ANKRD30B: variants seen among roughly 807,000 people sequenced by gnomAD.
ANKRD30B encodes ankyrin repeat domain-containing protein 30B.
A neutral mutation model predicts 202.2 loss-of-function variants in ANKRD30B; 144 were observed. The observed-to-expected ratio is 0.71, with a 90% CI of 0.62 to 0.82. The LOEUF is 0.82. Ranked by LOEUF, ANKRD30B falls within the 40% of genes least tolerant of loss-of-function variation. The probability of loss-of-function intolerance (pLI) is 0.00; values close to 1 mark genes in which losing one functional copy is unlikely to be tolerated. For synonymous variants in ANKRD30B, 508 were observed against 561.3 expected (o/e 0.91, Z 1.34); for missense variants, 1,487 against 1,669.1 (o/e 0.89, Z 1.90).
chr18:14,796,900 A>T (rs1968939270), intron 18 of ANKRD30B, among the ~76,000 whole-genome samples: 1 of 152,194 alleles, frequency 6.6e-6, no homozygotes, highest in Non-Finnish European at 1.5e-5. Flanking sequence ...TGTAACTAAC[A>T]TCTGTATGCA....
At chr18:14,864,092 C>T in the ANKRD30B span, among the ~76,000 whole-genome samples, 1 of 152,280 alleles carries the variant, frequency 6.6e-6, no homozygotes, top group East Asian at 1.9e-4. Context: ...CCTGTAATCC[C>T]AGCACTTTGG....
chr18:14,757,880 ATGT>A lies in ANKRD30B; in HGVS notation c.686_688del (p.Val229del). 1 of 1,613,572 alleles carries A rather than the reference ATGT, an allele frequency of 6.2e-7. No individual in the cohort carries two copies. ...ATAGTCGGCATGCTTCTTCAGCAAAATGTTGACGTCTTTGCTGAAGACATACAT... is the reference window on the plus strand; with the variant it reads ...ATAGTCGGCATGCTTCTTCAGCAAAATGACGTCTTTGCTGAAGACATACAT... On this transcript the variant is annotated inframe_deletion, in exon 5 of 44. Transcript: ENST00000690538.
intron 39 of ANKRD30B, among the ~76,000 whole-genome samples, chr18:14,843,553 C>CTGTGTGTGTGTG (rs56044501): frequency 0.02 from 2,932 of 145,304 alleles, 46 homozygotes; most frequent in South Asian, 0.031. Flanking sequence ...AGCTTACTTT[C>CTGTGTGTGTGTG]TGTGTGTGTG....
At chr18:14,893,617 A>C in the ANKRD30B span, among the ~76,000 whole-genome samples, 3 of 152,218 alleles carry the variant, frequency 2.0e-5, no homozygotes, top group East Asian at 1.9e-4. Context: ...ATCTCACAAA[A>C]AAAAAAAAAA....
intron 39 of ANKRD30B, among the ~76,000 whole-genome samples, chr18:14,846,372 A>T (rs1971639578): frequency 6.6e-6 from 1 of 151,854 alleles, no homozygotes; most frequent in Non-Finnish European, 1.5e-5. Flanking sequence ...GTCAGGTAAC[A>T]TGTTTTGTAT....
At chr18:14,875,234 A>T in the ANKRD30B span, among the ~76,000 whole-genome samples, 77 of 152,318 alleles carry the variant, frequency 5.1e-4, no homozygotes, top group East Asian at 0.014. Flanking sequence ...CCTCTGGAGC[A>T]AGGAAACCCC....
At chr18:14,843,614 G>A (rs1332165741) in intron 39 of ANKRD30B, among the ~76,000 whole-genome samples, 2 of 151,442 alleles carry the variant, frequency 1.3e-5, no homozygotes, top group Non-Finnish European at 2.9e-5. Context: ...TTGTGCCTGT[G>A]TGCATGTATA....
At chr18:14,928,542 C>T in the ANKRD30B span, among the ~76,000 whole-genome samples, 30 of 152,250 alleles carry the variant, frequency 2.0e-4, no homozygotes, top group African/African-American at 6.7e-4. Flanking sequence ...CTTCCCCTGC[C>T]CTCAGGCCAG....
chr18:14,786,149 C>T lies in ANKRD30B; in HGVS notation c.1673-890C>T, dbSNP rs149679291. On this transcript the variant is annotated intron_variant, in intron 14 of 43. Transcript: ENST00000690538. ...CGGTCTTTTAACTTTTAGTTGTGCA[C>T]GTTTGCTTTTTTCTTTAACCTGACT... 6.5e-3 allele frequency among the ~76,000 whole-genome samples: 981 copies of T among 150,446 alleles called. 13 individuals carry two copies. The highest frequency in any genetic ancestry group is 0.023 in the African/African-American group (927 of 40,878).
At chr18:14,756,022 A>G (rs1914299328) in intron 4 of ANKRD30B, among the ~76,000 whole-genome samples, 1 of 152,208 alleles carries the variant, frequency 6.6e-6, no homozygotes, top group African/African-American at 2.4e-5. Flanking sequence ...TCCCACCAAC[A>G]GTGTAAAAGT....
intron 14 of ANKRD30B, 131 bp downstream of exon 14, chr18:14,784,666 G>GCAT: frequency 9.9e-7 from 1 of 1,012,910 alleles, no homozygotes; most frequent in Non-Finnish European, 1.4e-6. Flanking sequence ...GCCAATACTG[G>GCAT]TATTTATGTT....
chr18:14,783,272 C>T (rs143058788), intron 12 of ANKRD30B, among the ~76,000 whole-genome samples: 5 of 152,222 alleles, frequency 3.3e-5, no homozygotes, highest in African/African-American at 1.2e-4. Flanking sequence ...TGGTAATACA[C>T]AGTATCATTC....
chr18:14,900,803 T>C, the ANKRD30B span, among the ~76,000 whole-genome samples: 2 of 152,188 alleles, frequency 1.3e-5, no homozygotes, highest in Non-Finnish European at 2.9e-5. Context: ...AATCCCTTTA[T>C]TCCACCTTCC....
the ANKRD30B span, among the ~76,000 whole-genome samples, chr18:14,939,874 A>G: frequency 1.3e-5 from 2 of 152,020 alleles, no homozygotes; most frequent in African/African-American, 4.8e-5. Flanking sequence ...GTAACTTACA[A>G]CTCCTGGAAT....
chr18:14,773,695 A>C lies in ANKRD30B; in HGVS notation c.1329+1467A>C, dbSNP rs189377852. Among the ~76,000 whole-genome samples, 399 of 150,448 alleles carry C rather than the reference A, an allele frequency of 2.7e-3. 4 individuals are homozygous for C. The highest frequency in any genetic ancestry group is 8.8e-3 in the African/African-American group (361 of 40,892). On this transcript the variant is annotated intron_variant, in intron 9 of 43. Coordinates refer to ENST00000690538, the MANE Select transcript of ANKRD30B (RefSeq NM_001367607.2). ...TTTTTTGAGACAGAGTCTCTCTGTCATGCAGGCTGGAATGCAGTGGTGTGA... is the reference window on the plus strand; with the variant it reads ...TTTTTTGAGACAGAGTCTCTCTGTCCTGCAGGCTGGAATGCAGTGGTGTGA...
downstream of ANKRD30B, among the ~76,000 whole-genome samples, chr18:14,855,227 G>A (rs541226608): frequency 1.3e-5 from 2 of 152,290 alleles, no homozygotes; most frequent in South Asian, 2.1e-4. Context: ...TTGGGGGTAA[G>A]GTTATAGATT....
the ANKRD30B span, among the ~76,000 whole-genome samples, chr18:14,867,921 G>T: frequency 6.6e-6 from 1 of 152,248 alleles, no homozygotes; most frequent in South Asian, 2.1e-4. Context: ...GGCATTGTCT[G>T]CCCAGCTGCT....
At chr18:14,887,022 T>TAAATA in the ANKRD30B span, among the ~76,000 whole-genome samples, 3 of 152,152 alleles carry the variant, frequency 2.0e-5, no homozygotes, top group Non-Finnish European at 4.4e-5. Context: ...CATCTATAAA[T>TAAATA]GTATTACCAA....
the ANKRD30B span, among the ~76,000 whole-genome samples, chr18:14,916,653 A>G: frequency 2.6e-5 from 4 of 152,212 alleles, no homozygotes; most frequent in Non-Finnish European, 4.4e-5. Context: ...ATCTAGAACA[A>G]AACTTCTTAC....
Sources: allele counts gnomAD v4.1 joint callset (sites outside exome capture counted in the v4.1 genomes callset), GRCh38; gene constraint gnomAD v4.1.1; transcripts MANE v1.5; gene names NCBI Gene and HGNC (gene_info 2026-07-23, HGNC 2026-07-21).